Variants in ZDHHC2 observed in about 807,000 individuals in gnomAD.
ZDHHC2 encodes the protein zDHHC palmitoyltransferase 2, also known as palmitoyltransferase ZDHHC2.
In ZDHHC2, 51 loss-of-function variants were observed where a neutral mutation model predicts 55.6. The observed-to-expected ratio is 0.92, with a 90% CI of 0.73 to 1.16. The LOEUF (loss-of-function observed/expected upper bound fraction) is 1.16, where lower values mean the gene tolerates loss of function less well. ZDHHC2 is among the 50% of genes most tolerant of loss of function. The probability of loss-of-function intolerance (pLI) is 0.00; values close to 1 mark genes in which losing one functional copy is unlikely to be tolerated. For missense variants in ZDHHC2, 491 were observed against 442.4 expected (o/e 1.11, Z -0.99); for synonymous variants, 199 against 152.9 (o/e 1.30, Z -2.22).
At chr8:17,195,833 A>G (rs1806279494) in intron 4 of ZDHHC2, among the ~76,000 whole-genome samples, 1 of 152,190 alleles carries the variant, frequency 6.6e-6, no homozygotes, top group South Asian at 2.1e-4. Context: ...TCGCAAGGAA[A>G]TCAGAACTGA....
At chr8:17,203,152 C>T (rs570458693) in intron 6 of ZDHHC2, among the ~76,000 whole-genome samples, 4 of 150,100 alleles carry the variant, frequency 2.7e-5, no homozygotes, top group Non-Finnish European at 4.4e-5. Context: ...CTCTGCCTCC[C>T]GGGTTCAAGC....
At position 17,180,171 on chromosome 8, in the gene ZDHHC2, T is replaced by A. The variant is rs73669027; in HGVS notation, c.131-4618T>A. Among the ~76,000 whole-genome samples the A allele has an allele frequency of 1.1e-3, 160 of 152,312 alleles. 1 individual carries two copies. Among genetic ancestry groups the A allele is most frequent in the African/African-American group, 3.6e-3 (151 of 41,574 alleles). The stretch of plus-strand genomic sequence containing the variant: ...TAAGATTTAGGTCTTTATTTTTTTT[T>A]AAAGTAATTGTTTTTATTCATTAAG... On this transcript the variant is annotated intron_variant, in intron 1 of 12. Coordinates refer to ENST00000262096, the MANE Select transcript of ZDHHC2 (RefSeq NM_016353.5).
intron 5 of ZDHHC2, 70 bp downstream of exon 5, chr8:17,197,721 C>G: frequency 6.9e-7 from 1 of 1,455,852 alleles, no homozygotes; most frequent in Non-Finnish European, 9.6e-7. Flanking sequence ...TTTCTTTTCT[C>G]ACTGTTTTCC....
chr8:17,176,701 A>G (rs1805150394), intron 1 of ZDHHC2, among the ~76,000 whole-genome samples: 1 of 152,186 alleles, frequency 6.6e-6, no homozygotes. Context: ...GACACAAGAA[A>G]GCCCAGAGTG....
intron 1 of ZDHHC2, among the ~76,000 whole-genome samples, chr8:17,175,265 A>G (rs1035329566): frequency 1.3e-5 from 2 of 152,146 alleles, no homozygotes; most frequent in Non-Finnish European, 2.9e-5. Flanking sequence ...TTGACAGGAA[A>G]GGAGCTCTGG....
intron 9 of ZDHHC2, 102 bp downstream of exon 9, chr8:17,210,160 G>A: frequency 1.5e-6 from 2 of 1,329,502 alleles, no homozygotes; most frequent in East Asian, 2.5e-5. Context: ...GTAATTCTGT[G>A]TAGGAACTCT....
At chr8:17,179,583 AG>A (rs1198491433) in intron 1 of ZDHHC2, among the ~76,000 whole-genome samples, 1 of 151,924 alleles carries the variant, frequency 6.6e-6, no homozygotes, top group Non-Finnish European at 1.5e-5. Flanking sequence ...TAAAAAAAAA[AG>A]TTTATTTGTA....
intron 1 of ZDHHC2, among the ~76,000 whole-genome samples, chr8:17,173,689 A>AAAAAG (rs1554458763): frequency 3.3e-5 from 5 of 151,370 alleles, no homozygotes; most frequent in Admixed American, 6.6e-5. Flanking sequence ...CTTAAAAAAA[A>AAAAAG]AAAGAAAGAA....
At chr8:17,209,429 G>A (rs1159265057) in intron 8 of ZDHHC2, among the ~76,000 whole-genome samples, 1 of 152,162 alleles carries the variant, frequency 6.6e-6, no homozygotes, top group Non-Finnish European at 1.5e-5. Context: ...CGAGGCTACA[G>A]TGAGCTATGA....
intron 9 of ZDHHC2, 157 bp from the exon 10 acceptor site, chr8:17,210,231 C>A: frequency 9.4e-7 from 1 of 1,062,702 alleles, no homozygotes; most frequent in Non-Finnish European, 1.3e-6. Flanking sequence ...TCAGTTAATT[C>A]ATCATCTTCC....
intron 1 of ZDHHC2, among the ~76,000 whole-genome samples, chr8:17,163,877 A>G (rs1178132125): frequency 6.6e-6 from 1 of 152,252 alleles, no homozygotes; most frequent in Non-Finnish European, 1.5e-5. Context: ...CAGAGAATTT[A>G]TAATGAAAGC....
intron 1 of ZDHHC2, among the ~76,000 whole-genome samples, chr8:17,182,729 A>C (rs1805495813): frequency 6.6e-6 from 1 of 152,152 alleles, no homozygotes; most frequent in African/African-American, 2.4e-5. Context: ...GTCCAGGTCA[A>C]AAAGATTAGC....
At chr8:17,158,616 G>A (rs1804182823) in intron 1 of ZDHHC2, among the ~76,000 whole-genome samples, 1 of 152,190 alleles carries the variant, frequency 6.6e-6, no homozygotes, top group Non-Finnish European at 1.5e-5. Context: ...TATCTGAATC[G>A]TATGTTTATA....
intron 6 of ZDHHC2, 115 bp downstream of exon 6, chr8:17,198,528 G>C: frequency 1.1e-6 from 1 of 935,578 alleles, no homozygotes. Flanking sequence ...TGACATAGCA[G>C]GAACTTTTGG....
chr8:17,202,891 C>G (rs1317732937), intron 6 of ZDHHC2, among the ~76,000 whole-genome samples: 1 of 151,988 alleles, frequency 6.6e-6, no homozygotes, highest in African/African-American at 2.4e-5. Context: ...TCAAGCAAAG[C>G]TAAATTAGTT....
chr8:17,222,196 A>C lies in ZDHHC2; in HGVS notation c.*1975A>C, dbSNP rs185850460. 1 of 151,896 alleles carries C rather than the reference A, an allele frequency of 6.6e-6. No individual in the cohort carries two copies. The highest frequency in any genetic ancestry group is 2.4e-5 in the African/African-American group (1 of 41,532). 9.4% of individuals were successfully genotyped at this position (151,896 alleles called of 1,614,324 possible). On this transcript the variant is annotated 3_prime_UTR_variant, in exon 13 of 13. Coordinates refer to ENST00000262096, the MANE Select transcript of ZDHHC2 (RefSeq NM_016353.5). Reference sequence around the variant, plus strand: ...CATTAGAATCAGATTTGAAAAAGTTAAAACAATTTCATTGTTGTAATTGTT... The same window carrying C: ...CATTAGAATCAGATTTGAAAAAGTTCAAACAATTTCATTGTTGTAATTGTT...
At chr8:17,161,320 G>T (rs1302141898) in intron 1 of ZDHHC2, among the ~76,000 whole-genome samples, 2 of 152,066 alleles carry the variant, frequency 1.3e-5, no homozygotes, top group East Asian at 3.9e-4. Context: ...TGATATTCCT[G>T]ATACTTAAAC....
At chr8:17,187,424 G>A (rs1245117088) in intron 3 of ZDHHC2, among the ~76,000 whole-genome samples, 2 of 151,554 alleles carry the variant, frequency 1.3e-5, no homozygotes, top group Non-Finnish European at 2.9e-5. Flanking sequence ...AAAAAAAAAA[G>A]CATCACTGTA....
chr8:17,199,312 A>G (rs1396531049), intron 6 of ZDHHC2, among the ~76,000 whole-genome samples: 5 of 152,118 alleles, frequency 3.3e-5, no homozygotes, highest in African/African-American at 1.2e-4. Flanking sequence ...GTCAACCCAT[A>G]CAAGAATGGC....
Sources: allele counts gnomAD v4.1 joint callset (sites outside exome capture counted in the v4.1 genomes callset), GRCh38; gene constraint gnomAD v4.1.1; transcripts MANE v1.5; gene names NCBI Gene and HGNC (gene_info 2026-07-23, HGNC 2026-07-21).